GIPC2: variants seen among roughly 807,000 people sequenced by gnomAD.
GIPC2 encodes PDZ domain-containing protein GIPC2.
A neutral mutation model predicts 30.6 loss-of-function variants in GIPC2; 30 were observed. The ratio of observed to expected loss-of-function variants is 0.98; its 90% CI spans 0.73 to 1.33. GIPC2 has a LOEUF of 1.33. Ranked by LOEUF, GIPC2 falls within the 40% of genes most tolerant of loss-of-function variation. The pLI is 0.00. For missense variants in GIPC2, 414 were observed against 390.3 expected, an observed-to-expected ratio of 1.06 and a Z score of -0.51; for synonymous variants, 167 against 150.0, an observed-to-expected ratio of 1.11 and a Z score of -0.83.
intron 2 of GIPC2, among the ~76,000 whole-genome samples, chr1:78,092,371 C>CAATA (rs2100370883): frequency 6.6e-6 from 1 of 152,186 alleles, no homozygotes; most frequent in South Asian, 2.1e-4. Flanking sequence ...TCCTATCTTC[C>CAATA]AATAAATAAA....
At chr1:78,054,881 A>T (rs1267962979) in intron 1 of GIPC2, among the ~76,000 whole-genome samples, 1 of 152,196 alleles carries the variant, frequency 6.6e-6, no homozygotes, top group Admixed American at 6.5e-5. Context: ...GGGCAGGGGT[A>T]GACTCCTCTT....
At chr1:78,049,893 CT>C (rs35263483) in intron 1 of GIPC2, among the ~76,000 whole-genome samples, 36,105 of 96,948 alleles carry the variant, frequency 0.37, 5,179 homozygotes, top group South Asian at 0.46. Context: ...AGAAAAACCT[CT>C]TTTTTTTTTT....
chr1:78,112,458 A>G (rs1163469562), intron 3 of GIPC2: 2 of 518,944 alleles, frequency 3.9e-6, no homozygotes, highest in African/African-American at 3.8e-5. Flanking sequence ...ACTTGGATAC[A>G]GCAGTGTCCA....
intron 3 of GIPC2, among the ~76,000 whole-genome samples, chr1:78,114,657 T>G (rs1662535663): frequency 6.6e-6 from 1 of 151,712 alleles, no homozygotes; most frequent in African/African-American, 2.4e-5. Flanking sequence ...AAATCTGGGA[T>G]GTATAGGAGG....
rs1033459562 is a variant in GIPC2 at position 78,137,876 on chromosome 1, CATAAT to C, written c.*2137_*2141del. The C allele has an allele frequency of 2.6e-5, 4 of 152,114 alleles. No individual in the cohort carries two copies. Among genetic ancestry groups the C allele is most frequent in the African/African-American group, 9.7e-5 (4 of 41,406 alleles). The allele number at this position is 152,114 out of a possible 1,614,324, so 9.4% of individuals were successfully genotyped here. A position where few individuals can be genotyped will look rare whatever the true frequency, so the allele number is the denominator to read the frequency against. On this transcript the variant is annotated 3_prime_UTR_variant, in exon 6 of 6. Transcript: ENST00000370759. The stretch of plus-strand genomic sequence containing the variant: ...AAAGCGTCTGTTTTTAGTGCAGTCA[CATAAT>C]ATATAAGTGTGGGATACCCTTCTGC...
chr1:78,096,350 G>C (rs1232891090), intron 3 of GIPC2, among the ~76,000 whole-genome samples: 1 of 152,194 alleles, frequency 6.6e-6, no homozygotes, highest in African/African-American at 2.4e-5. Context: ...AATTGACAGG[G>C]TGTAGATGGT....
At chr1:78,064,252 A>AGTTT (rs1661460290) in intron 1 of GIPC2, among the ~76,000 whole-genome samples, 1 of 152,232 alleles carries the variant, frequency 6.6e-6, no homozygotes, top group Admixed American at 6.5e-5. Flanking sequence ...AATAGTTGAT[A>AGTTT]GTTTCCCCCC....
intron 3 of GIPC2, among the ~76,000 whole-genome samples, chr1:78,106,801 C>T (rs1452721649): frequency 6.6e-6 from 1 of 152,068 alleles, no homozygotes; most frequent in Non-Finnish European, 1.5e-5. Flanking sequence ...CTGCTTCAGC[C>T]TCCCAAGTAG....
Position 78,137,838 on chromosome 1 carries a change from G to A in GIPC2, c.*2095G>A, listed in dbSNP as rs1371586072. 1.3e-5 allele frequency: 2 copies of A among 151,724 alleles called. No homozygotes were observed. The highest frequency in any genetic ancestry group is 2.4e-5 in the African/African-American group (1 of 41,286). The allele number at this position is 151,724 out of a possible 1,614,324, so 9.4% of individuals were successfully genotyped here. On this transcript the variant is annotated 3_prime_UTR_variant, in exon 6 of 6. Transcript: ENST00000370759. ...TGTGAGCTTTCTGCCTTTTTGTAAC[G>A]CTCAGTGCACCAAAAGCGTCTGTTT... is the stretch of plus-strand genomic sequence containing the variant.
chr1:78,132,597 T>C lies in GIPC2; in HGVS notation c.797-2995T>C, dbSNP rs374228648. 6.6e-5 allele frequency among the ~76,000 whole-genome samples: 10 copies of C among 151,808 alleles called. No individual in the cohort carries two copies. The East Asian group carries it at 1.2e-3, about 18-fold the overall frequency. On this transcript the variant is annotated intron_variant, in intron 5 of 5. Coordinates refer to ENST00000370759, the MANE Select transcript of GIPC2 (RefSeq NM_017655.6). Reference sequence around the variant, plus strand: ...GGCTTAGTGCACTAGACAATGCTGCTGAGCTTCCTGAGGTATAAAAAAAAA... The same window carrying C: ...GGCTTAGTGCACTAGACAATGCTGCCGAGCTTCCTGAGGTATAAAAAAAAA...
At chr1:78,088,383 G>GTATA (rs1301348759) in intron 2 of GIPC2, among the ~76,000 whole-genome samples, 4 of 152,198 alleles carry the variant, frequency 2.6e-5, no homozygotes, top group Admixed American at 2.6e-4. Flanking sequence ...ATAAAGAAAT[G>GTATA]TGGTACATAT....
At chr1:78,084,894 T>C (rs75781609) in intron 2 of GIPC2, among the ~76,000 whole-genome samples, 1 of 152,160 alleles carries the variant, frequency 6.6e-6, no homozygotes, top group East Asian at 1.9e-4. Context: ...CAGAGATAGT[T>C]TGACTTCCTC....
chr1:78,124,917 C>G (rs1199484805), intron 4 of GIPC2, among the ~76,000 whole-genome samples: 1 of 152,162 alleles, frequency 6.6e-6, no homozygotes, highest in East Asian at 1.9e-4. Context: ...GCAGAGGTTG[C>G]AGTGAGCTGA....
chr1:78,060,824 TATAG>T (rs549266142), intron 1 of GIPC2, among the ~76,000 whole-genome samples: 101 of 151,742 alleles, frequency 6.7e-4, no homozygotes, highest in African/African-American at 1.7e-3. Context: ...TGTGTGTGTA[TATAG>T]ATAGATAGAT....
intron 4 of GIPC2, among the ~76,000 whole-genome samples, chr1:78,120,391 C>T (rs1463866281): frequency 6.6e-6 from 1 of 152,096 alleles, no homozygotes; most frequent in Non-Finnish European, 1.5e-5. Flanking sequence ...TAGCTTGCTC[C>T]CTTGCCATCA....
intron 3 of GIPC2, among the ~76,000 whole-genome samples, chr1:78,114,182 C>T (rs1216663713): frequency 2.0e-5 from 3 of 152,136 alleles, no homozygotes; most frequent in South Asian, 4.1e-4. Flanking sequence ...GTGCATCTAG[C>T]GAGTCAGCTA....
At chr1:78,084,539 G>C (rs555429295) in intron 2 of GIPC2, among the ~76,000 whole-genome samples, 1 of 150,286 alleles carries the variant, frequency 6.7e-6, no homozygotes, top group African/African-American at 2.4e-5. Context: ...TTACGAACTC[G>C]TAACGATGCT....
chr1:78,068,224 T>C (rs1661556587), intron 1 of GIPC2, among the ~76,000 whole-genome samples: 1 of 152,212 alleles, frequency 6.6e-6, no homozygotes, highest in Non-Finnish European at 1.5e-5. Flanking sequence ...AGCATATAAT[T>C]CTGTTATTCT....
At chr1:78,049,574 A>G (rs972589095) in intron 1 of GIPC2, among the ~76,000 whole-genome samples, 2 of 152,240 alleles carry the variant, frequency 1.3e-5, no homozygotes, top group Admixed American at 6.5e-5. Context: ...AAGGATATAA[A>G]TAGCACTACA....
Sources: allele counts gnomAD v4.1 joint callset (sites outside exome capture counted in the v4.1 genomes callset), GRCh38; gene constraint gnomAD v4.1.1; transcripts MANE v1.5; gene names NCBI Gene and HGNC (gene_info 2026-07-23, HGNC 2026-07-21).